SPRR2G: variants seen among roughly 807,000 people sequenced by gnomAD.
The protein encoded by SPRR2G is small proline rich protein 2G.
Under a neutral mutation model 0.7 loss-of-function variants are expected in SPRR2G, and 1 was observed. That is an observed-to-expected ratio of 1.49 (90% CI 0.53 to 7.06). SPRR2G has a LOEUF of 7.06. Ranked by LOEUF, SPRR2G falls within the 30% of genes most tolerant of loss-of-function variation. The pLI, the probability that SPRR2G is intolerant of heterozygous loss-of-function variation, is 0.14. For synonymous variants in SPRR2G, 38 were observed against 33.9 expected (o/e 1.12, Z -0.42); for missense variants, 96 against 88.5 (o/e 1.09, Z -0.34).
At chr1:153,181,393 G>A in the SPRR2G span, among the ~76,000 whole-genome samples, 5 of 152,132 alleles carry the variant, frequency 3.3e-5, no homozygotes, top group Non-Finnish European at 7.4e-5. Flanking sequence ...AGCATTTATC[G>A]TTTATCTGTG....
upstream of SPRR2G, among the ~76,000 whole-genome samples, chr1:153,154,198 T>G (rs1656533400): frequency 6.6e-6 from 1 of 152,026 alleles, no homozygotes; most frequent in African/African-American, 2.4e-5. Context: ...CATCCTTGCA[T>G]CTCAGGGATA....
the SPRR2G span, among the ~76,000 whole-genome samples, chr1:153,162,315 A>C: frequency 6.6e-6 from 1 of 152,126 alleles, no homozygotes; most frequent in Non-Finnish European, 1.5e-5. Context: ...AGCTCCATCC[A>C]TGTTCCGGCA....
At chr1:153,196,002 G>T in the SPRR2G span, among the ~76,000 whole-genome samples, 1 of 152,114 alleles carries the variant, frequency 6.6e-6, no homozygotes, top group East Asian at 1.9e-4. Flanking sequence ...CCTTCCTGGG[G>T]GCCAGGTGTA....
the SPRR2G span, among the ~76,000 whole-genome samples, chr1:153,196,103 G>T: frequency 6.6e-6 from 1 of 152,136 alleles, no homozygotes; most frequent in Admixed American, 6.5e-5. Context: ...TTAACAAATT[G>T]TAAGTGTATT....
At chr1:153,175,925 T>G in the SPRR2G span, among the ~76,000 whole-genome samples, 1 of 152,022 alleles carries the variant, frequency 6.6e-6, no homozygotes, top group Admixed American at 6.6e-5. Flanking sequence ...GATGTGGTGG[T>G]GCATGCCTAT....
the SPRR2G span, among the ~76,000 whole-genome samples, chr1:153,171,205 A>G: frequency 6.6e-6 from 1 of 152,190 alleles, no homozygotes; most frequent in Non-Finnish European, 1.5e-5. Context: ...GTTTCTCTGA[A>G]TATGAGCAGG....
chr1:153,192,468 GAA>G, the SPRR2G span, among the ~76,000 whole-genome samples: 10 of 152,206 alleles, frequency 6.6e-5, no homozygotes, highest in East Asian at 1.4e-3. Flanking sequence ...AAAATTTCAA[GAA>G]CAATCAAGAG....
the SPRR2G span, among the ~76,000 whole-genome samples, chr1:153,158,895 G>T: frequency 3.3e-5 from 5 of 152,174 alleles, no homozygotes; most frequent in African/African-American, 1.2e-4. Flanking sequence ...CATGGCCAGG[G>T]CTGTACTTTG....
At chr1:153,173,842 G>C in the SPRR2G span, among the ~76,000 whole-genome samples, 1 of 152,054 alleles carries the variant, frequency 6.6e-6, no homozygotes, top group Non-Finnish European at 1.5e-5. Flanking sequence ...TTTATGCCTT[G>C]GTTCTTCCCC....
chr1:153,159,977 C>A, the SPRR2G span, among the ~76,000 whole-genome samples: 2 of 152,182 alleles, frequency 1.3e-5, no homozygotes, highest in East Asian at 1.9e-4. Context: ...AGATTGTTAA[C>A]CATAGGTATT....
the SPRR2G span, among the ~76,000 whole-genome samples, chr1:153,193,223 G>A: frequency 6.6e-6 from 1 of 152,038 alleles, no homozygotes; most frequent in Non-Finnish European, 1.5e-5. Context: ...ATCATTCCTG[G>A]AGGTGACAGC....
At chr1:153,202,544 G>T in the SPRR2G span, among the ~76,000 whole-genome samples, 1 of 152,064 alleles carries the variant, frequency 6.6e-6, no homozygotes, top group Non-Finnish European at 1.5e-5. Flanking sequence ...TTAATTTTCT[G>T]CACAGTCAGT....
chr1:153,190,901 A>G, the SPRR2G span: 27,115 of 152,058 alleles, frequency 0.18, 3,166 homozygotes, highest in Non-Finnish European at 0.27. Context: ...TCCCAATCAA[A>G]CATATGTATC....
chr1:153,203,191 G>A, the SPRR2G span, among the ~76,000 whole-genome samples: 3 of 151,948 alleles, frequency 2.0e-5, no homozygotes, highest in South Asian at 2.1e-4. Context: ...CAGCAACAAT[G>A]AGCCTCCCAT....
At chr1:153,154,219 G>A (rs1169665281), upstream of SPRR2G, among the ~76,000 whole-genome samples, 2 of 151,142 alleles carry the variant, frequency 1.3e-5, no homozygotes, top group Non-Finnish European at 2.9e-5. Flanking sequence ...AATCCCACTT[G>A]ATCATGTTGC....
chr1:153,161,125 C>A, the SPRR2G span, among the ~76,000 whole-genome samples: 1 of 151,906 alleles, frequency 6.6e-6, no homozygotes, highest in Non-Finnish European at 1.5e-5. Flanking sequence ...AGGAGATATA[C>A]CTAATGTTAA....
upstream of SPRR2G, among the ~76,000 whole-genome samples, chr1:153,151,695 C>A (rs1304230656): frequency 2.0e-5 from 3 of 152,194 alleles, no homozygotes; most frequent in African/African-American, 7.2e-5. Flanking sequence ...AGCTTTTCTC[C>A]TACATGCTAA....
chr1:153,160,678 T>C, the SPRR2G span, among the ~76,000 whole-genome samples: 142 of 152,236 alleles, frequency 9.3e-4, no homozygotes, highest in Non-Finnish European at 1.7e-3. Flanking sequence ...TGGAAGTCAG[T>C]GTGGTGATTC....
At chr1:153,165,159 T>C in the SPRR2G span, among the ~76,000 whole-genome samples, 1 of 139,602 alleles carries the variant, frequency 7.2e-6, no homozygotes, top group Middle Eastern at 3.3e-3. Context: ...AAAGCAAACA[T>C]GGATGGATGG....
Sources: allele counts gnomAD v4.1 joint callset (sites outside exome capture counted in the v4.1 genomes callset), GRCh38; gene constraint gnomAD v4.1.1; transcripts MANE v1.5; gene names NCBI Gene and HGNC (gene_info 2026-07-23, HGNC 2026-07-21).